UPF3A: variants seen among roughly 807,000 people sequenced by gnomAD.
The protein encoded by UPF3A is regulator of nonsense transcripts 3A.
Under a neutral mutation model 53.5 loss-of-function variants are expected in UPF3A, and 42 were observed. That is an observed-to-expected ratio of 0.78 (90% CI 0.61 to 1.01). UPF3A has a LOEUF of 1.01. UPF3A is among the 50% of genes least tolerant of loss of function. The pLI is 0.00. For synonymous variants in UPF3A, 237 were observed against 225.3 expected, an observed-to-expected ratio of 1.05 and a Z score of -0.47; for missense variants, 575 against 598.0, an observed-to-expected ratio of 0.96 and a Z score of 0.40.
intron 8 of UPF3A, among the ~76,000 whole-genome samples, chr13:114,301,464 G>GA (rs201804984): frequency 2.2e-3 from 255 of 114,838 alleles, no homozygotes; most frequent in Non-Finnish European, 2.2e-3. Context: ...CTCCATCTCA[G>GA]AAAAAAAAAA....
chr13:114,282,358 A>G (rs1296093468), intron 2 of UPF3A: 1 of 1,063,766 alleles, frequency 9.4e-7, no homozygotes, highest in African/African-American at 1.7e-5. Flanking sequence ...TCAGACGGCT[A>G]ACGCTTAGGA....
chr13:114,300,745 G>C (rs905758031), intron 8 of UPF3A, among the ~76,000 whole-genome samples: 3 of 152,028 alleles, frequency 2.0e-5, no homozygotes, highest in Admixed American at 6.6e-5. Context: ...CTCCATGTTG[G>C]TCAGGCTGGT....
chr13:114,298,302 G>A (rs553829772), intron 7 of UPF3A, among the ~76,000 whole-genome samples: 3 of 152,220 alleles, frequency 2.0e-5, no homozygotes, highest in Admixed American at 1.3e-4. Context: ...GAACCCGGGA[G>A]GAGGAGGTTG....
rs773046796 is a variant in UPF3A at position 114,304,880 on chromosome 13, C to T, written c.1394C>T (p.Ser465Leu). 1.1e-5 allele frequency: 18 copies of T among 1,613,542 alleles called. No homozygotes were observed. Among genetic ancestry groups the T allele is most frequent in the South Asian group, 2.2e-5 (2 of 91,036 alleles). The part of the protein sequence containing the change: ...GNRRICKAEG[S>L]GTGPEKREEA... ...AGGAGGATCTGCAAGGCAGAAGGTT[C>T]GGGGACTGGTCCTGAGAAGAGGGAA... The change falls in exon 10 of 10, where the codon TCG (serine) becomes TTG (leucine). Residue 465 changes from serine to leucine, a missense_variant. Ser to Leu is a moderately radical substitution (Grantham distance 145, BLOSUM62 -2). Around this residue, in one of 2 missense-constraint regions of UPF3A, gnomAD observed 323 missense variants for 415.2 expected, o/e 0.78. Coordinates refer to ENST00000375299, the MANE Select transcript of UPF3A (RefSeq NM_023011.4).
chr13:114,292,779 C>T lies in UPF3A; in HGVS notation c.846+987C>T, dbSNP rs1010792732. Among the ~76,000 whole-genome samples, 3 of 152,288 alleles carry T rather than the reference C, an allele frequency of 2.0e-5. No individual in the cohort carries two copies. In the East Asian group the frequency reaches 5.8e-4, roughly 29 times the overall value. ...TGTTTTTCAGTCTTCACCCTCCTCC[C>T]ATTCTCCACCCTCTACATTTTCCTT... On this transcript the variant is annotated intron_variant, in intron 7 of 9. Transcript: ENST00000375299.
chr13:114,290,094 A>G (rs79466345), intron 5 of UPF3A, among the ~76,000 whole-genome samples: 5 of 152,096 alleles, frequency 3.3e-5, no homozygotes, highest in African/African-American at 4.8e-5. Flanking sequence ...GCCAGAGTTC[A>G]TGGTCAGCCC....
intron 7 of UPF3A, among the ~76,000 whole-genome samples, chr13:114,294,253 A>G (rs2085597025): frequency 7.3e-6 from 1 of 136,988 alleles, no homozygotes; most frequent in African/African-American, 3.0e-5. Flanking sequence ...CTATTTTGCT[A>G]TTTTTTTGTT....
chr13:114,299,489 A>T (rs1021653141), intron 8 of UPF3A, among the ~76,000 whole-genome samples: 2 of 152,148 alleles, frequency 1.3e-5, no homozygotes, highest in African/African-American at 4.8e-5. Context: ...AAGTGCTGTG[A>T]TCCTTTGGTT....
intron 2 of UPF3A, 62 bp from the exon 3 acceptor site, chr13:114,282,775 G>A (rs2139118745): frequency 1.3e-6 from 2 of 1,560,052 alleles, no homozygotes; most frequent in Non-Finnish European, 1.7e-6. Flanking sequence ...AGGAAAAAGA[G>A]GCTAAATTAA....
chr13:114,296,055 C>A (rs1040695836), intron 7 of UPF3A, among the ~76,000 whole-genome samples: 1 of 152,170 alleles, frequency 6.6e-6, no homozygotes, highest in South Asian at 2.1e-4. Context: ...TAATCAGTCA[C>A]ACCTACATAA....
At chr13:114,303,692 A>G (rs2086793888) in intron 9 of UPF3A, among the ~76,000 whole-genome samples, 1 of 152,168 alleles carries the variant, frequency 6.6e-6, no homozygotes, top group South Asian at 2.1e-4. Context: ...AGGCTGAGGC[A>G]GAAGCATCAC....
chr13:114,298,520 A>G (rs939202489), intron 7 of UPF3A, among the ~76,000 whole-genome samples: 2 of 152,242 alleles, frequency 1.3e-5, no homozygotes, highest in African/African-American at 2.4e-5. Flanking sequence ...AGCCTGGGCG[A>G]CAGAGCGAGA....
At position 114,301,633 on chromosome 13, in the gene UPF3A, A is replaced by G. The variant is rs773885268; in HGVS notation, c.1008-98A>G. ...AGCAGTGCAGCGCTGAGCACTTCGC[A>G]TGGGTCCCTGTTGTCTGGGAACCTG... On this transcript the variant is annotated intron_variant, in intron 8 of 9. Transcript: ENST00000375299. 7.1e-6 allele frequency: 9 copies of G among 1,266,012 alleles called. No individual in the cohort carries two copies. In the East Asian group the frequency reaches 1.4e-4, roughly 20 times the overall value. 78.4% of individuals were successfully genotyped at this position (1,266,012 alleles called of 1,614,324 possible). A position where few individuals can be genotyped will look rare whatever the true frequency, so the allele number is the denominator to read the frequency against.
intron 3 of UPF3A, chr13:114,283,895 A>G (rs2139137152): frequency 1.0e-6 from 1 of 985,264 alleles, no homozygotes; most frequent in South Asian, 4.7e-5. Context: ...GTGTTTTGAC[A>G]CTGATGAGTG....
At position 114,291,551 on chromosome 13, in the gene UPF3A, C is replaced by A; in HGVS notation, c.687+7C>A. ...TAGAAAATTAGAAAAGCAGGTAGGT[C>A]TGGCCTTTACCTGATGAACACCCTC... On this transcript the variant is annotated splice_region_variant and intron_variant, in intron 6 of 9. Transcript: ENST00000375299. 6.2e-7 allele frequency: 1 copy of A among 1,609,466 alleles called. No homozygotes were observed.
intron 7 of UPF3A, among the ~76,000 whole-genome samples, chr13:114,297,123 G>A (rs1181315708): frequency 2.0e-5 from 3 of 152,112 alleles, no homozygotes; most frequent in Non-Finnish European, 2.9e-5. Flanking sequence ...GAATGCATCT[G>A]TGTATGGTCT....
At chr13:114,298,527 G>A (rs550126678) in intron 7 of UPF3A, among the ~76,000 whole-genome samples, 5 of 152,336 alleles carry the variant, frequency 3.3e-5, no homozygotes, top group East Asian at 3.9e-4. Flanking sequence ...GCGACAGAGC[G>A]AGACTCTGTC....
chr13:114,304,641 T>G (rs182685000), intron 9 of UPF3A, 148 bp from the exon 10 acceptor site: 23 of 1,053,234 alleles, frequency 2.2e-5, no homozygotes, highest in Admixed American at 1.9e-4. Context: ...GTTTCTGAGA[T>G]AGTGCTGTGA....
Position 114,281,626 on chromosome 13 carries a change from G to A in UPF3A, c.-14G>A, listed in dbSNP as rs944109699. 20 of 1,426,584 alleles carry A rather than the reference G, an allele frequency of 1.4e-5. No individual in the cohort carries two copies. Among genetic ancestry groups the A allele is most frequent in the Non-Finnish European group, 1.8e-5 (20 of 1,090,632 alleles). The allele number at this position is 1,426,584 out of a possible 1,614,324, so 88.4% of individuals were successfully genotyped here. Reference sequence around the variant, plus strand: ...GTCGGGGGCTGGCGGCTGCGGCTCGGCGGAGAGTGCGGCATGCGCTCGGAA... The same window carrying A: ...GTCGGGGGCTGGCGGCTGCGGCTCGACGGAGAGTGCGGCATGCGCTCGGAA... On this transcript the variant is annotated 5_prime_UTR_variant, in exon 1 of 10. Transcript: ENST00000375299.
Sources: gnomAD v4.1 joint callset for allele counts (sites outside exome capture counted in the v4.1 genomes callset) on GRCh38, gnomAD v4.1.1 for gene constraint, gnomAD v4.1.1 regional missense constraint, MANE v1.5 for transcripts, NCBI Gene and HGNC (gene_info 2026-07-23, HGNC 2026-07-21) for gene names.